The following RNF141 variants were observed in gnomAD, a reference collection of about 807,000 sequenced individuals.
The protein encoded by RNF141 is C3HC4-like zinc finger protein.
RNF141 carries 18 observed loss-of-function variants against 27.4 expected under a neutral mutation model. The ratio of observed to expected loss-of-function variants is 0.66; its 90% CI spans 0.45 to 0.97. The LOEUF is 0.97. RNF141 is among the 50% of genes least tolerant of loss of function. RNF141 has a pLI of 0.00. For synonymous variants in RNF141, 97 were observed against 96.6 expected (o/e 1.00, Z -0.02); for missense variants, 230 against 279.4 (o/e 0.82, Z 1.26).
chr11:10,520,805 T>C (rs777064860), intron 4 of RNF141, among the ~76,000 whole-genome samples: 3 of 152,104 alleles, frequency 2.0e-5, no homozygotes, highest in African/African-American at 2.4e-5. Flanking sequence ...CCACAGGCAA[T>C]AGGAATTTTT....
chr11:10,526,996 A>T (rs901714391), intron 3 of RNF141, among the ~76,000 whole-genome samples: 4 of 152,250 alleles, frequency 2.6e-5, no homozygotes, highest in Non-Finnish European at 4.4e-5. Flanking sequence ...AGATCTTCAG[A>T]GCTGAGGAAA....
intron 2 of RNF141, 69 bp downstream of exon 2, chr11:10,533,947 C>A: frequency 7.0e-7 from 1 of 1,420,516 alleles, no homozygotes; most frequent in East Asian, 2.3e-5. Flanking sequence ...TTATATCTTA[C>A]ACAGCCATGA....
At position 10,519,145 on chromosome 11, in the gene RNF141, C is replaced by A. The variant is rs377748773; in HGVS notation, c.435-4G>T. The A allele has an allele frequency of 6.2e-6, 10 of 1,611,702 alleles. No homozygotes were observed. In the African/African-American group the frequency reaches 1.1e-4, roughly 17 times the overall value. ...CTCATCGGTCAGCTGCTTCACCCTG[C>A]AATGTGAAAACTGAGCTGAAACAAT... On this transcript the variant is annotated splice_region_variant and splice_polypyrimidine_tract_variant and intron_variant, in intron 4 of 5. Transcript: ENST00000265981.
At chr11:10,519,867 G>A (rs1849873548) in intron 4 of RNF141, among the ~76,000 whole-genome samples, 1 of 152,176 alleles carries the variant, frequency 6.6e-6, no homozygotes, top group Non-Finnish European at 1.5e-5. Context: ...TGGATATGAA[G>A]GCCTAGGACA....
intron 4 of RNF141, among the ~76,000 whole-genome samples, chr11:10,521,918 ACAAG>A (rs1849890902): frequency 6.6e-6 from 1 of 152,216 alleles, no homozygotes; most frequent in Non-Finnish European, 1.5e-5. Context: ...ACGTGTCCTG[ACAAG>A]CAAACTACAA....
rs375021107 is a variant in RNF141 at position 10,530,634 on chromosome 11, C to A, written c.252+9G>T. 12 of 1,519,210 alleles carry A rather than the reference C, an allele frequency of 7.9e-6. No homozygotes were observed. The African/African-American group carries it at 1.7e-4, about 21-fold the overall frequency. The allele number at this position is 1,519,210 out of a possible 1,614,324, so 94.1% of individuals were successfully genotyped here. Reference sequence around the variant, plus strand: ...TAAGCTCAGAGGTAGAAGTCTCCATCAGTCTCACCTTGGTACAGACCACCC... The same window carrying A: ...TAAGCTCAGAGGTAGAAGTCTCCATAAGTCTCACCTTGGTACAGACCACCC... On this transcript the variant is annotated intron_variant, in intron 3 of 5. Coordinates refer to ENST00000265981, the MANE Select transcript of RNF141 (RefSeq NM_016422.4).
chr11:10,530,065 G>C (rs920410227), intron 3 of RNF141, among the ~76,000 whole-genome samples: 1 of 152,076 alleles, frequency 6.6e-6, no homozygotes, highest in African/African-American at 2.4e-5. Flanking sequence ...GGGGATAGGA[G>C]GTGGCCTAAT....
At chr11:10,521,263 C>T (rs1849885810) in intron 4 of RNF141, among the ~76,000 whole-genome samples, 1 of 152,196 alleles carries the variant, frequency 6.6e-6, no homozygotes, top group Non-Finnish European at 1.5e-5. Context: ...TCAAAATCAA[C>T]ACTTGCCTCA....
In RNF141 at chr11:10,512,624, A is replaced by G. The variant is rs1251370137; in HGVS notation, c.*2292T>C. On this transcript the variant is annotated 3_prime_UTR_variant, in exon 6 of 6. Transcript: ENST00000265981. ...ATTAAACTCAGCAAGTCTAATCTAA[A>G]AGGACAATTTAAAATCTTAGAGCTG... 2 of 152,252 alleles carry G rather than the reference A, an allele frequency of 1.3e-5. No individual in the cohort carries two copies. Among genetic ancestry groups the G allele is most frequent in the East Asian group, 1.9e-4 (1 of 5,202 alleles). 9.4% of individuals were successfully genotyped at this position (152,252 alleles called of 1,614,324 possible). A position where few individuals can be genotyped will look rare whatever the true frequency, so the allele number is the denominator to read the frequency against.
At chr11:10,540,580 C>T (rs1850088943) in intron 1 of RNF141, among the ~76,000 whole-genome samples, 1 of 152,162 alleles carries the variant, frequency 6.6e-6, no homozygotes, top group Non-Finnish European at 1.5e-5. Context: ...GGGTAGCAGC[C>T]TAAGCCAATT....
At position 10,519,936 on chromosome 11, in the gene RNF141, C is replaced by T. The variant is rs569582704; in HGVS notation, c.435-795G>A. 2.0e-5 allele frequency among the ~76,000 whole-genome samples: 3 copies of T among 152,084 alleles called. No individual in the cohort carries two copies. The South Asian group carries it at 6.2e-4, about 32-fold the overall frequency. On this transcript the variant is annotated intron_variant, in intron 4 of 5. Coordinates refer to ENST00000265981, the MANE Select transcript of RNF141 (RefSeq NM_016422.4). ...ACTGGAAGAACTGTCTTTCTTGGGC[C>T]ACATATATACTAACACTAACACTAA...
In RNF141 at chr11:10,519,088, G is replaced by C; in HGVS notation, c.488C>G (p.Ala163Gly). 6.2e-7 allele frequency: 1 copy of C among 1,613,992 alleles called. No individual in the cohort carries two copies. Among genetic ancestry groups the C allele is most frequent in the Non-Finnish European group, 8.5e-7 (1 of 1,179,924 alleles). ...GTGAGCACAAGGCAGGATGAGGTCA[G>C]CCCGCCCATCCATACAGATACAACA... ...EECCICMDGR[A>G]DLILPCAHSF... The change falls in exon 5 of 6, where the codon GCT becomes GGT. Residue 163 changes from alanine (A) to glycine (G), a missense_variant. Coordinates refer to ENST00000265981, the MANE Select transcript of RNF141 (RefSeq NM_016422.4).
chr11:10,535,719 T>C (rs1375578031), intron 1 of RNF141, among the ~76,000 whole-genome samples: 1 of 152,006 alleles, frequency 6.6e-6, no homozygotes, highest in Non-Finnish European at 1.5e-5. Flanking sequence ...AACAAAAATC[T>C]CAAAAAGAAC....
intron 4 of RNF141, among the ~76,000 whole-genome samples, chr11:10,524,458 G>A (rs114073990): frequency 2.0e-5 from 3 of 152,144 alleles, no homozygotes; most frequent in Non-Finnish European, 2.9e-5. Flanking sequence ...TAAAGGACAC[G>A]GTGAATATAG....
intron 4 of RNF141, among the ~76,000 whole-genome samples, chr11:10,524,507 G>A (rs2133969469): frequency 6.6e-6 from 1 of 152,192 alleles, no homozygotes; most frequent in East Asian, 1.9e-4. Flanking sequence ...AAGACAGGAT[G>A]TCAACATGTT....
intron 2 of RNF141, chr11:10,532,039 C>T (rs1849990865): frequency 2.2e-6 from 1 of 449,810 alleles, no homozygotes; most frequent in Admixed American, 2.4e-5. Flanking sequence ...AGGAAGACCT[C>T]TGTATCACAC....
Position 10,541,156 on chromosome 11 carries a change from G to A in RNF141, c.-82C>T, listed in dbSNP as rs567466133. 1 of 152,494 alleles carries A rather than the reference G, an allele frequency of 6.6e-6. No individual in the cohort carries two copies. Among genetic ancestry groups the A allele is most frequent in the South Asian group, 2.1e-4 (1 of 4,832 alleles). The allele number at this position is 152,494 out of a possible 1,614,324, so 9.4% of individuals were successfully genotyped here. ...AAGGCATCGCGCACCCTGCGGCAGCGGCTGCGCTGCCTCAGCCCACAGCTC... is the reference window on the plus strand; with the variant it reads ...AAGGCATCGCGCACCCTGCGGCAGCAGCTGCGCTGCCTCAGCCCACAGCTC... On this transcript the variant is annotated 5_prime_UTR_variant, in exon 1 of 6. Coordinates refer to ENST00000265981, the MANE Select transcript of RNF141 (RefSeq NM_016422.4).
Position 10,514,169 on chromosome 11 carries a change from AAC to A in RNF141, c.*745_*746del, listed in dbSNP as rs1396984255. 2.0e-5 allele frequency: 3 copies of A among 152,220 alleles called. No individual in the cohort carries two copies. Among genetic ancestry groups the A allele is most frequent in the Admixed American group, 6.5e-5 (1 of 15,288 alleles). 9.4% of individuals were successfully genotyped at this position (152,220 alleles called of 1,614,324 possible). A position where few individuals can be genotyped will look rare whatever the true frequency, so the allele number is the denominator to read the frequency against. ...TGTGAGCATTATCAAAGCCATTTAG[AAC>A]AGTTACCCAGCTGTGGGAAAGCATT... On this transcript the variant is annotated 3_prime_UTR_variant, in exon 6 of 6. Transcript: ENST00000265981.
At chr11:10,537,008 T>A (rs73411967) in intron 1 of RNF141, among the ~76,000 whole-genome samples, 127 of 152,332 alleles carry the variant, frequency 8.3e-4, no homozygotes, top group African/African-American at 2.9e-3. Context: ...TTCTAGATAG[T>A]CATAGTTTGG....
Sources: gnomAD v4.1 joint callset for allele counts (sites outside exome capture counted in the v4.1 genomes callset) on GRCh38, gnomAD v4.1.1 for gene constraint, MANE v1.5 for transcripts, NCBI Gene and HGNC (gene_info 2026-07-23, HGNC 2026-07-21) for gene names.